SLCO1C1: variants seen among roughly 807,000 people sequenced by gnomAD.
SLCO1C1 encodes the protein solute carrier organic anion transporter family member 1C1, also known as OAT-RP-5.
A neutral mutation model predicts 76.4 loss-of-function variants in SLCO1C1; 70 were observed. The ratio of observed to expected loss-of-function variants is 0.92; its 90% CI spans 0.76 to 1.12. The LOEUF (loss-of-function observed/expected upper bound fraction) is 1.12. SLCO1C1 is among the 50% of genes most tolerant of loss of function. The pLI is 0.00. For synonymous variants in SLCO1C1, 306 were observed against 286.1 expected (o/e 1.07, Z -0.70); for missense variants, 912 against 823.8 (o/e 1.11, Z -1.31).
intron 9 of SLCO1C1, among the ~76,000 whole-genome samples, chr12:20,726,408 C>A (rs1947998545): frequency 6.6e-6 from 1 of 151,980 alleles, no homozygotes; most frequent in African/African-American, 2.4e-5. Flanking sequence ...TGTTCAAGGG[C>A]CAACTGTTAC....
At chr12:20,708,318 A>G (rs1335678125) in intron 4 of SLCO1C1, among the ~76,000 whole-genome samples, 1 of 152,154 alleles carries the variant, frequency 6.6e-6, no homozygotes, top group East Asian at 1.9e-4. Context: ...TTTGTGATAT[A>G]TGTATATATA....
At chr12:20,748,752 T>C (rs1039007887) in intron 13 of SLCO1C1, among the ~76,000 whole-genome samples, 20 of 152,210 alleles carry the variant, frequency 1.3e-4, no homozygotes, top group African/African-American at 4.3e-4. Context: ...ATCCCAACTA[T>C]TGGATGTGTT....
intron 3 of SLCO1C1, among the ~76,000 whole-genome samples, chr12:20,704,812 T>C (rs1313623263): frequency 6.6e-6 from 1 of 151,950 alleles, no homozygotes; most frequent in Non-Finnish European, 1.5e-5. Context: ...TCACAATCAA[T>C]TGCTGGGAAA....
chr12:20,695,953 T>C (rs955243427), intron 1 of SLCO1C1, 146 bp downstream of exon 1: 7 of 152,226 alleles, frequency 4.6e-5, no homozygotes, highest in Admixed American at 1.3e-4. Context: ...TTGATGGAAA[T>C]AAGAGAGAAG....
chr12:20,721,745 T>C, intron 7 of SLCO1C1, 59 bp from the exon 8 acceptor site: 2 of 1,542,240 alleles, frequency 1.3e-6, no homozygotes, highest in Non-Finnish European at 1.7e-6. Context: ...TTTAAGTATA[T>C]TATTTTAACA....
chr12:20,750,901 GA>G lies in SLCO1C1; in HGVS notation c.1916+111del, dbSNP rs773490277. On this transcript the variant is annotated intron_variant, in intron 14 of 14. Transcript: ENST00000266509. ...GTCATTTCACTGCTTGTAAGGTAAA[GA>G]ATAGTCTAATCAAAAAGTGTGATCT... is the stretch of plus-strand genomic sequence containing the variant. 6 of 1,603,394 alleles carry G rather than the reference GA, an allele frequency of 3.7e-6. No individual in the cohort carries two copies. The South Asian group carries it at 6.6e-5, about 18-fold the overall frequency.
intron 12 of SLCO1C1, 53 bp from the exon 13 acceptor site, chr12:20,743,252 A>G (rs774527273): frequency 8.0e-6 from 12 of 1,504,590 alleles, no homozygotes; most frequent in Non-Finnish European, 1.1e-5. Flanking sequence ...TCAAATTTCT[A>G]TTTGCTTTAA....
chr12:20,725,150 A>G (rs1159931788), intron 9 of SLCO1C1, among the ~76,000 whole-genome samples: 1 of 135,872 alleles, frequency 7.4e-6, no homozygotes, highest in Non-Finnish European at 1.5e-5. Flanking sequence ...TTTTTATATT[A>G]ATAATTTTTA....
chr12:20,715,686 C>T (rs376345459), intron 6 of SLCO1C1, among the ~76,000 whole-genome samples: 3 of 152,060 alleles, frequency 2.0e-5, no homozygotes, highest in African/African-American at 4.8e-5. Context: ...CCTTGATAAG[C>T]GCTTTCCATT....
intron 9 of SLCO1C1, among the ~76,000 whole-genome samples, chr12:20,728,351 C>T (rs1948123509): frequency 6.6e-6 from 1 of 152,042 alleles, no homozygotes; most frequent in Admixed American, 6.5e-5. Flanking sequence ...TCAATTTAAG[C>T]TTCTCCTATA....
Position 20,740,783 on chromosome 12 carries a change from T to TATATATATATATATATA in SLCO1C1, c.1733+415_1733+416insATATATATATATATATA, listed in dbSNP as rs1406774430. Among the ~76,000 whole-genome samples the TATATATATATATATATA allele has an allele frequency of 4.6e-3, 247 of 53,912 alleles. 36 individuals carry two copies. The highest frequency in any genetic ancestry group is 5.3e-3 in the Non-Finnish European group (174 of 32,962). The allele number at this position is 53,912 out of a possible 152,430, so 35.4% of individuals were successfully genotyped here. ...TAATACAACAATGTTAGAATTTATTTTATTTATATATATATATATATATAT... is the reference window on the plus strand; with the variant it reads ...TAATACAACAATGTTAGAATTTATTTATATATATATATATATATATTTATATATATATATATATATAT... On this transcript the variant is annotated intron_variant, in intron 12 of 14. Transcript: ENST00000266509.
chr12:20,714,830 T>C (rs11045404), intron 5 of SLCO1C1, among the ~76,000 whole-genome samples: 4,405 of 152,244 alleles, frequency 0.029, 139 homozygotes, highest in African/African-American at 0.077. Flanking sequence ...CTGAATGTCA[T>C]TGTAGTGTGG....
intron 4 of SLCO1C1, among the ~76,000 whole-genome samples, chr12:20,707,823 G>GA (rs142567335): frequency 4.4e-3 from 656 of 150,798 alleles, no homozygotes; most frequent in Non-Finnish European, 7.8e-3. Context: ...GAAAATCAGA[G>GA]AAAAAAAAAT....
chr12:20,740,787 T>TTA (rs71039980), intron 12 of SLCO1C1, among the ~76,000 whole-genome samples: 9,726 of 74,984 alleles, frequency 0.13, 841 homozygotes, highest in Non-Finnish European at 0.14. Flanking sequence ...TTTATTTTAT[T>TTA]TATATATATA....
intron 3 of SLCO1C1, among the ~76,000 whole-genome samples, chr12:20,702,109 G>A (rs748250514): frequency 6.6e-6 from 1 of 151,834 alleles, no homozygotes; most frequent in Non-Finnish European, 1.5e-5. Context: ...TCTGCTTCCT[G>A]AATTGATAAA....
intron 5 of SLCO1C1, among the ~76,000 whole-genome samples, chr12:20,714,820 C>A (rs10841596): frequency 0.034 from 5,160 of 152,132 alleles, 148 homozygotes; most frequent in Middle Eastern, 0.078. Flanking sequence ...CAGATAGATA[C>A]TGAATGTCAT....
intron 10 of SLCO1C1, among the ~76,000 whole-genome samples, chr12:20,733,539 G>A (rs1273329728): frequency 6.6e-6 from 1 of 152,192 alleles, no homozygotes. Context: ...GAAAGTGAAT[G>A]CTACTTGCCT....
chr12:20,699,391 C>T (rs574895033), intron 1 of SLCO1C1, among the ~76,000 whole-genome samples, 161 bp from the exon 2 acceptor site: 1 of 152,094 alleles, frequency 6.6e-6, no homozygotes, highest in African/African-American at 2.4e-5. Flanking sequence ...ATCAGATATC[C>T]TGGTTGATTT....
intron 9 of SLCO1C1, among the ~76,000 whole-genome samples, chr12:20,730,047 A>G (rs1160028788): frequency 3.3e-5 from 5 of 152,166 alleles, no homozygotes; most frequent in Non-Finnish European, 7.3e-5. Flanking sequence ...TACGGCACAT[A>G]GGTACAGACA....
Sources: allele counts gnomAD v4.1 joint callset (sites outside exome capture counted in the v4.1 genomes callset), GRCh38; gene constraint gnomAD v4.1.1; transcripts MANE v1.5; gene names NCBI Gene and HGNC (gene_info 2026-07-23, HGNC 2026-07-21).